Variants in ACTN1 observed in about 807,000 individuals in gnomAD.
ACTN1 encodes actinin alpha 1, also known as alpha-actinin-1.
A neutral mutation model predicts 119.6 loss-of-function variants in ACTN1; 30 were observed. That is an observed-to-expected ratio of 0.25 (90% confidence interval 0.19 to 0.34). The LOEUF is 0.34. Ranked by LOEUF, ACTN1 falls within the 10% of genes least tolerant of loss-of-function variation. ACTN1 has a pLI of 1.00. For synonymous variants in ACTN1, 429 were observed against 472.6 expected, an observed-to-expected ratio of 0.91 and a Z score of 1.20; for missense variants, 764 against 1,223.4, an observed-to-expected ratio of 0.62 and a Z score of 5.60.
At chr14:68,897,626 A>G (rs887636273) in intron 8 of ACTN1, among the ~76,000 whole-genome samples, 23 of 152,080 alleles carry the variant, frequency 1.5e-4, no homozygotes, top group African/African-American at 5.6e-4. Context: ...CGAGGATCTC[A>G]TCTATGTCAT....
chr14:68,938,539 T>G (rs1441523598), intron 1 of ACTN1, among the ~76,000 whole-genome samples: 2 of 152,132 alleles, frequency 1.3e-5, no homozygotes, highest in Non-Finnish European at 2.9e-5. Context: ...CCCTATGTCC[T>G]GAAAGACTTA....
At chr14:68,908,246 C>T (rs2033790115) in intron 6 of ACTN1, among the ~76,000 whole-genome samples, 1 of 152,126 alleles carries the variant, frequency 6.6e-6, no homozygotes, top group South Asian at 2.1e-4. Flanking sequence ...CCTTTCCTCC[C>T]TCAAGATCCT....
In ACTN1 at chr14:68,925,615, T is replaced by C; in HGVS notation, c.163A>G (p.Ile55Val). 2 of 1,613,636 alleles carry C rather than the reference T, an allele frequency of 1.2e-6. No individual in the cohort carries two copies. The highest frequency in any genetic ancestry group is 1.7e-6 in the Non-Finnish European group (2 of 1,179,754). ...LRKAGTQIEN[I>V]EEDFRDGLKL... Reference sequence around the variant, plus strand: ...AGGCCATCCCGGAAGTCCTCTTCGATGTTCTCGATCTGTGTCCCCGCCTTC... The same window carrying C: ...AGGCCATCCCGGAAGTCCTCTTCGACGTTCTCGATCTGTGTCCCCGCCTTC... The change falls in exon 2 of 22, where the codon ATC becomes GTC. Residue 55 changes from isoleucine to valine, a missense_variant. Coordinates refer to ENST00000394419, the MANE Select transcript of ACTN1 (RefSeq NM_001130004.2). The surrounding 1 kb of genome is among the most constrained non-coding windows in gnomAD (Gnocchi z 4.3).
Position 68,880,709 on chromosome 14 carries a change from TC to T in ACTN1, c.2133+100del. 8.0e-7 allele frequency: 1 copy of T among 1,247,894 alleles called. No individual in the cohort carries two copies. Among genetic ancestry groups the T allele is most frequent in the Admixed American group, 2.2e-5 (1 of 45,360 alleles). The allele number at this position is 1,247,894 out of a possible 1,614,324, so 77.3% of individuals were successfully genotyped here. On this transcript the variant is annotated intron_variant, in intron 17 of 21. Transcript: ENST00000394419. This position sits in a 1 kb window ranked among gnomAD's most constrained non-coding sequence, Gnocchi z 4.6. The stretch of plus-strand genomic sequence containing the variant: ...AGGCTTCAGGGGTGAAGTTAATTTA[TC>T]CTCCAACTATGACCTGTTCCCTTGG...
chr14:68,963,562 T>C (rs2036608280), intron 1 of ACTN1, among the ~76,000 whole-genome samples: 1 of 152,244 alleles, frequency 6.6e-6, no homozygotes, highest in Non-Finnish European at 1.5e-5. Flanking sequence ...CGTATCCAGC[T>C]GAACTCACCC....
At chr14:68,920,578 C>T (rs761274045) in intron 3 of ACTN1, among the ~76,000 whole-genome samples, 1 of 152,130 alleles carries the variant, frequency 6.6e-6, no homozygotes, top group South Asian at 2.1e-4. Context: ...CTAGAGGCTT[C>T]GGGACTTCAG....
rs1251047577 is a variant in ACTN1, at chr14:68,979,109, C to A, written c.-53G>T. 9 of 1,092,644 alleles carry A rather than the reference C, an allele frequency of 8.2e-6. No homozygotes were observed. The highest frequency in any genetic ancestry group is 1.2e-5 in the Non-Finnish European group (9 of 769,332). 67.7% of individuals were successfully genotyped at this position (1,092,644 alleles called of 1,614,324 possible). On this transcript the variant is annotated 5_prime_UTR_variant, in exon 1 of 22. Transcript: ENST00000394419. The stretch of plus-strand genomic sequence containing the variant: ...TTTCTTCCTCCACCTTCTCTCTGAG[C>A]AACGGCTGCTGCCCTGGCGTGGGGA...
chr14:68,895,857 C>T (rs1319379121), intron 8 of ACTN1, among the ~76,000 whole-genome samples: 1 of 152,160 alleles, frequency 6.6e-6, no homozygotes, highest in Admixed American at 6.5e-5. Flanking sequence ...CAAGAGCCTG[C>T]TGACTACTCC....
intron 1 of ACTN1, among the ~76,000 whole-genome samples, chr14:68,959,386 T>C: frequency 6.6e-6 from 1 of 152,244 alleles, no homozygotes; most frequent in South Asian, 2.1e-4. Flanking sequence ...AAACTAATAC[T>C]GACAGCACTG....
At chr14:68,898,823 A>AAGGGGGCATGGGG (rs2033064919) in intron 8 of ACTN1, among the ~76,000 whole-genome samples, 1 of 151,864 alleles carries the variant, frequency 6.6e-6, no homozygotes, top group Non-Finnish European at 1.5e-5. Context: ...AGTGAAAGGG[A>AAGGGGGCATGGGG]AGGGGGCATG....
chr14:68,933,324 C>T (rs1038014696), intron 1 of ACTN1, among the ~76,000 whole-genome samples: 63 of 151,930 alleles, frequency 4.1e-4, no homozygotes, highest in African/African-American at 1.4e-3. Flanking sequence ...TTAGTAGAGA[C>T]GGGGTTTCAC....
intron 8 of ACTN1, among the ~76,000 whole-genome samples, chr14:68,898,050 G>C (rs1383106481): frequency 2.0e-5 from 3 of 152,244 alleles, no homozygotes; most frequent in Admixed American, 1.3e-4. Flanking sequence ...GTGGCCGGCA[G>C]TCTTGTGACT....
chr14:68,953,671 G>T (rs1311137459), intron 1 of ACTN1, among the ~76,000 whole-genome samples: 1 of 151,370 alleles, frequency 6.6e-6, no homozygotes, highest in Non-Finnish European at 1.5e-5. Flanking sequence ...GAGGTCAGGA[G>T]TTCCAGACCA....
At position 68,925,902 on chromosome 14, in the gene ACTN1, A is replaced by T. The variant is rs536619362; in HGVS notation, c.106-230T>A. On this transcript the variant is annotated intron_variant, in intron 1 of 21. Coordinates refer to ENST00000394419, the MANE Select transcript of ACTN1 (RefSeq NM_001130004.2). This position sits in a 1 kb window ranked among gnomAD's most constrained non-coding sequence, Gnocchi z 4.3. ...GCCTGCTACATGGGTGGGAGCAAGC[A>T]GGATACATGAAGCAGCAAATTCCCT... is the stretch of plus-strand genomic sequence containing the variant. Among the ~76,000 whole-genome samples, 69 of 152,350 alleles carry T rather than the reference A, an allele frequency of 4.5e-4. No homozygotes were observed. Among genetic ancestry groups the T allele is most frequent in the Non-Finnish European group, 9.3e-4 (63 of 68,036 alleles).
chr14:68,918,815 C>G (rs906929359), intron 3 of ACTN1, among the ~76,000 whole-genome samples: 1 of 152,110 alleles, frequency 6.6e-6, no homozygotes, highest in Non-Finnish European at 1.5e-5. Flanking sequence ...AGAGGAAGGC[C>G]TCAGCTCTGG....
At chr14:68,889,062 T>C (rs1046559738) in intron 11 of ACTN1, among the ~76,000 whole-genome samples, 2 of 152,182 alleles carry the variant, frequency 1.3e-5, no homozygotes, top group African/African-American at 4.8e-5. Context: ...CGCCGGCCAA[T>C]AGGTCTGTCC....
chr14:68,946,079 C>T (rs1329124305), intron 1 of ACTN1, among the ~76,000 whole-genome samples: 1 of 152,132 alleles, frequency 6.6e-6, no homozygotes, highest in Non-Finnish European at 1.5e-5. Flanking sequence ...ACCACAGGCT[C>T]AGTCAGCGTG....
At chr14:68,916,590 T>C (rs1252963906) in intron 3 of ACTN1, among the ~76,000 whole-genome samples, 1 of 152,172 alleles carries the variant, frequency 6.6e-6, no homozygotes, top group Non-Finnish European at 1.5e-5. Context: ...TCCCCTTCCC[T>C]GGCATGGCAG....
chr14:68,899,775 G>C (rs1324965702), intron 8 of ACTN1, among the ~76,000 whole-genome samples: 1 of 152,214 alleles, frequency 6.6e-6, no homozygotes, highest in Non-Finnish European at 1.5e-5. Context: ...AAGGAGAAGG[G>C]GAGAGACTGG....
Sources: allele counts gnomAD v4.1 joint callset (sites outside exome capture counted in the v4.1 genomes callset), GRCh38; gene constraint gnomAD v4.1.1; non-coding constraint Gnocchi (gnomAD v3.1); transcripts MANE v1.5; gene names NCBI Gene and HGNC (gene_info 2026-07-23, HGNC 2026-07-21).